Variants in HS6ST3 observed in about 807,000 individuals in gnomAD.
The protein encoded by HS6ST3 is heparan-sulfate 6-O-sulfotransferase 3.
A neutral mutation model predicts 36.7 loss-of-function variants in HS6ST3; 12 were observed. That is an observed-to-expected ratio of 0.33 (90% confidence interval 0.21 to 0.53). The LOEUF (loss-of-function observed/expected upper bound fraction) is 0.53. HS6ST3 is among the 20% of genes least tolerant of loss of function. HS6ST3 has a pLI of 0.95. For synonymous variants in HS6ST3, 240 were observed against 257.5 expected (o/e 0.93, Z 0.65); for missense variants, 584 against 640.9 (o/e 0.91, Z 0.96).
chr13:96,598,256 TG>T (rs1355795689), intron 1 of HS6ST3, among the ~76,000 whole-genome samples: 1 of 152,162 alleles, frequency 6.6e-6, no homozygotes, highest in Non-Finnish European at 1.5e-5. Flanking sequence ...AACTGTAGGT[TG>T]CTTTGGGCAG....
intron 1 of HS6ST3, chr13:96,574,114 T>C: frequency 1.9e-6 from 1 of 539,278 alleles, no homozygotes; most frequent in Non-Finnish European, 3.7e-6. Context: ...TTTATTCAGG[T>C]CTCAGGGAAT....
chr13:96,156,607 G>A (rs955096121), intron 1 of HS6ST3, among the ~76,000 whole-genome samples: 80 of 152,184 alleles, frequency 5.3e-4, no homozygotes, highest in African/African-American at 1.9e-3. Flanking sequence ...AAAGGATGCA[G>A]CAGGATTAGT....
chr13:96,822,016 C>T (rs1878545430), intron 1 of HS6ST3, among the ~76,000 whole-genome samples: 1 of 152,238 alleles, frequency 6.6e-6, no homozygotes, highest in Non-Finnish European at 1.5e-5. Context: ...AACGGAGACA[C>T]CTCATGGTTT....
intron 1 of HS6ST3, among the ~76,000 whole-genome samples, chr13:96,230,394 T>C (rs1230034544): frequency 6.6e-6 from 1 of 152,088 alleles, no homozygotes; most frequent in Non-Finnish European, 1.5e-5. Flanking sequence ...TAGGGATCAC[T>C]GGATTGATTT....
At chr13:96,194,697 C>G (rs2054303967) in intron 1 of HS6ST3, among the ~76,000 whole-genome samples, 1 of 152,090 alleles carries the variant, frequency 6.6e-6, no homozygotes, top group Non-Finnish European at 1.5e-5. Context: ...ATCTCCAGAA[C>G]TTATTCATCT....
intron 1 of HS6ST3, among the ~76,000 whole-genome samples, chr13:96,394,384 A>G (rs1437359406): frequency 1.3e-5 from 2 of 152,008 alleles, no homozygotes. Flanking sequence ...GAGATAAGGG[A>G]TAAAGTGTCA....
chr13:96,346,303 G>A (rs762782460), intron 1 of HS6ST3, among the ~76,000 whole-genome samples: 27 of 152,244 alleles, frequency 1.8e-4, no homozygotes, highest in East Asian at 9.7e-4. Context: ...GGCTGGGTGC[G>A]GTGGCTCATG....
chr13:96,387,467 T>C (rs1437125007), intron 1 of HS6ST3, among the ~76,000 whole-genome samples: 1 of 152,218 alleles, frequency 6.6e-6, no homozygotes, highest in Non-Finnish European at 1.5e-5. Context: ...GTGGAGCTAT[T>C]TGTCATTTGT....
At chr13:96,746,181 A>C (rs1009231014) in intron 1 of HS6ST3, among the ~76,000 whole-genome samples, 7 of 152,060 alleles carry the variant, frequency 4.6e-5, no homozygotes, top group Non-Finnish European at 8.8e-5. Context: ...ACTTTTATAT[A>C]GTTATGTATC....
At position 96,833,099 on chromosome 13, in the gene HS6ST3, G is replaced by C; in HGVS notation, c.1317G>C (p.Arg439Ser). 2 of 1,607,280 alleles carry C rather than the reference G, an allele frequency of 1.2e-6. No individual in the cohort carries two copies. Among genetic ancestry groups the C allele is most frequent in the Non-Finnish European group, 8.5e-7 (1 of 1,179,976 alleles). ...GCCAGAAGCGGCGGGAGGAGCGGAG[G>C]CTGCAGCGAGAGCACAGGGACCACC... ...RDRQKRREER[R>S]LQREHRDHQW... Residue 439 changes from arginine (R) to serine (S), a missense_variant, in exon 2 of 2, where the codon AGG becomes AGC. By Grantham distance (110) the Arg-to-Ser change is moderately radical. Coordinates refer to ENST00000376705, the MANE Select transcript of HS6ST3 (RefSeq NM_153456.4).
intron 1 of HS6ST3, among the ~76,000 whole-genome samples, chr13:96,311,446 AAGG>A (rs2054940592): frequency 6.6e-6 from 1 of 152,150 alleles, no homozygotes; most frequent in Non-Finnish European, 1.5e-5. Flanking sequence ...AGAAGTCTGA[AAGG>A]AGAAGGTAGA....
chr13:96,390,648 C>A (rs1004514483), intron 1 of HS6ST3, among the ~76,000 whole-genome samples: 2 of 152,220 alleles, frequency 1.3e-5, no homozygotes, highest in Non-Finnish European at 2.9e-5. Context: ...CAGTCTTCAA[C>A]AGATTCTTCC....
intron 1 of HS6ST3, among the ~76,000 whole-genome samples, chr13:96,793,937 T>TA (rs1877851450): frequency 1.3e-5 from 2 of 152,210 alleles, no homozygotes; most frequent in Admixed American, 1.3e-4. Context: ...GGTATGATTC[T>TA]AAGAATTATC....
intron 1 of HS6ST3, among the ~76,000 whole-genome samples, chr13:96,765,675 ATATTC>A (rs1373801534): frequency 6.6e-6 from 1 of 150,666 alleles, no homozygotes; most frequent in African/African-American, 2.5e-5. Context: ...TACCTCTCTT[ATATTC>A]ACCTTGTATG....
intron 1 of HS6ST3, among the ~76,000 whole-genome samples, chr13:96,810,568 A>G (rs556288843): frequency 5.9e-5 from 9 of 152,356 alleles, no homozygotes; most frequent in African/African-American, 2.2e-4. Context: ...TTTTATCACC[A>G]TTTAGACGTA....
chr13:96,220,985 A>C (rs1277076565), intron 1 of HS6ST3, among the ~76,000 whole-genome samples: 1 of 152,198 alleles, frequency 6.6e-6, no homozygotes, highest in Non-Finnish European at 1.5e-5. Context: ...AATAATTAAA[A>C]ATTGAACATC....
intron 1 of HS6ST3, among the ~76,000 whole-genome samples, chr13:96,725,405 G>T (rs1875977895): frequency 6.6e-6 from 1 of 152,010 alleles, no homozygotes. Flanking sequence ...TTCTTTTATG[G>T]ATTGTAATTT....
intron 1 of HS6ST3, among the ~76,000 whole-genome samples, chr13:96,408,071 C>T (rs184776494): frequency 1.3e-5 from 2 of 152,250 alleles, no homozygotes; most frequent in African/African-American, 4.8e-5. Context: ...TCCCGAGTAG[C>T]TGGGACTATA....
intron 1 of HS6ST3, among the ~76,000 whole-genome samples, chr13:96,226,452 G>A (rs1004325882): frequency 3.3e-5 from 5 of 152,154 alleles, no homozygotes; most frequent in East Asian, 1.9e-4. Context: ...CTTGGGAGGC[G>A]GAGGTTGCGG....
Sources: allele counts gnomAD v4.1 joint callset (sites outside exome capture counted in the v4.1 genomes callset), GRCh38; gene constraint gnomAD v4.1.1; transcripts MANE v1.5; gene names NCBI Gene and HGNC (gene_info 2026-07-23, HGNC 2026-07-21).